The following DEPDC5 variants were observed in gnomAD, a reference collection of about 807,000 sequenced individuals.
DEPDC5 encodes the protein DEP domain containing 5, GATOR1 subcomplex subunit, also known as GATOR1 complex protein DEPDC5.
Under a neutral mutation model 217.3 loss-of-function variants are expected in DEPDC5, and 73 were observed. That is an observed-to-expected ratio of 0.34 (90% confidence interval 0.28 to 0.41). The LOEUF is 0.41. Ranked by LOEUF, DEPDC5 falls within the 10% of genes least tolerant of loss-of-function variation. The pLI, the probability that DEPDC5 is intolerant of heterozygous loss-of-function variation, is 1.00. For missense variants in DEPDC5, 1,675 were observed against 2,070.1 expected, an observed-to-expected ratio of 0.81 and a Z score of 3.70; for synonymous variants, 733 against 756.7, an observed-to-expected ratio of 0.97 and a Z score of 0.51.
intron 27 of DEPDC5, among the ~76,000 whole-genome samples, chr22:31,839,295 G>A (rs2091245018): frequency 6.6e-6 from 1 of 152,108 alleles, no homozygotes; most frequent in Admixed American, 6.5e-5. Flanking sequence ...AAGCTTGGTG[G>A]CTTGAAGCAA....
At chr22:31,880,004 A>T in intron 38 of DEPDC5, 1 of 483,720 alleles carries the variant, frequency 2.1e-6, no homozygotes, top group South Asian at 2.1e-5. Context: ...ACCTGTTCGG[A>T]TAGGAGAGAA....
chr22:31,754,340 TGA>T (rs1334791449), intron 1 of DEPDC5, among the ~76,000 whole-genome samples, 176 bp downstream of exon 1: 4 of 152,240 alleles, frequency 2.6e-5, no homozygotes, highest in African/African-American at 9.6e-5. Flanking sequence ...GAAGGTCTGC[TGA>T]GAGTTCGCAC....
intron 31 of DEPDC5, among the ~76,000 whole-genome samples, chr22:31,854,069 G>A (rs181348007): frequency 6.6e-6 from 1 of 152,218 alleles, no homozygotes; most frequent in African/African-American, 2.4e-5. Flanking sequence ...CCATGGAGGT[G>A]TGGCTAGTGA....
rs761904203 is a variant in DEPDC5 at position 31,802,672 on chromosome 22, T to A, written c.947-32T>A. ...GACAGGGTTCTGAAAAGCTGTAACA[T>A]CATTATTGTGGAATTTTTGTTTTAT... On this transcript the variant is annotated intron_variant, in intron 14 of 42. Transcript: ENST00000651528. The A allele has an allele frequency of 2.0e-6, 3 of 1,515,664 alleles. No individual in the cohort carries two copies. In the Admixed American group the frequency reaches 6.2e-5, roughly 31 times the overall value. 93.9% of individuals were successfully genotyped at this position (1,515,664 alleles called of 1,614,324 possible). A position where few individuals can be genotyped will look rare whatever the true frequency, so the allele number is the denominator to read the frequency against.
chr22:31,821,546 A>G lies in DEPDC5; in HGVS notation c.1915A>G (p.Asn639Asp), dbSNP rs933885269. 2 of 1,614,220 alleles carry G rather than the reference A, an allele frequency of 1.2e-6. No homozygotes were observed. ...CCAGATCCACCACCAGACCCGACAG[A>G]ATATGGCGGAGCTACAAGGCAGCGG... ...AIQIHHQTRQ[N>D]MAELQGSGQR... The change falls in exon 23 of 43, where the codon AAT (asparagine) becomes GAT (aspartate). Residue 639 changes from asparagine to aspartate, a missense_variant. Coordinates refer to ENST00000651528, the MANE Select transcript of DEPDC5 (RefSeq NM_001242896.3).
At chr22:31,850,228 A>G (rs922452453) in intron 31 of DEPDC5, among the ~76,000 whole-genome samples, 1 of 151,830 alleles carries the variant, frequency 6.6e-6, no homozygotes, top group Non-Finnish European at 1.5e-5. Flanking sequence ...TATAATATAC[A>G]TTATATATAT....
chr22:31,893,262 T>C (rs1001493809), intron 38 of DEPDC5, among the ~76,000 whole-genome samples: 1 of 152,134 alleles, frequency 6.6e-6, no homozygotes, highest in Non-Finnish European at 1.5e-5. Context: ...GCCCTAAAAC[T>C]CAGTCTGCTT....
At chr22:31,785,533 A>G (rs2084897660) in intron 10 of DEPDC5, among the ~76,000 whole-genome samples, 1 of 152,122 alleles carries the variant, frequency 6.6e-6, no homozygotes, top group African/African-American at 2.4e-5. Flanking sequence ...GAATTTGGCA[A>G]TACTACCCAA....
chr22:31,760,840 C>T, intron 4 of DEPDC5, 138 bp downstream of exon 4: 4 of 712,194 alleles, frequency 5.6e-6, no homozygotes, highest in East Asian at 2.7e-5. Context: ...ACTTTCAATT[C>T]AGGCAGTACA....
intron 27 of DEPDC5, among the ~76,000 whole-genome samples, chr22:31,841,488 A>G (rs2091388832): frequency 2.6e-5 from 4 of 151,918 alleles, no homozygotes; most frequent in Admixed American, 2.0e-4. Context: ...ATGAAAGTAC[A>G]CTCCACAGTG....
In DEPDC5 at chr22:31,804,866, G is replaced by A; in HGVS notation, c.1168G>A (p.Asp390Asn). The A allele has an allele frequency of 6.2e-7, 1 of 1,613,984 alleles. No homozygotes were observed. The highest frequency in any genetic ancestry group is 8.5e-7 in the Non-Finnish European group (1 of 1,179,884). ...GCTCCATAATCGGAGTGCTCCCCGT[G>A]ATTCTCGTCTGGGCGATGACTATAA... Reference protein sequence around the residue: ...FKLHNRSAPRDSRLGDDYNIP... With the variant: ...FKLHNRSAPRNSRLGDDYNIP... Residue 390 changes from aspartate to asparagine, a missense_variant, in exon 17 of 43, where the codon GAT becomes AAT. Transcript: ENST00000651528.
At chr22:31,839,231 T>C (rs940622836) in intron 27 of DEPDC5, among the ~76,000 whole-genome samples, 13 of 152,234 alleles carry the variant, frequency 8.5e-5, no homozygotes, top group African/African-American at 3.1e-4. Context: ...ACCTGAAGTT[T>C]ACATTTGTTC....
chr22:31,788,264 A>AT (rs75378797), intron 10 of DEPDC5, among the ~76,000 whole-genome samples: 2,856 of 90,700 alleles, frequency 0.031, 482 homozygotes, highest in African/African-American at 0.094. Context: ...GGATGACTGT[A>AT]TTTTTTTTTT....
At chr22:31,797,812 T>C (rs975555532) in intron 13 of DEPDC5, 109 bp downstream of exon 13, 3 of 855,228 alleles carry the variant, frequency 3.5e-6, no homozygotes, top group Non-Finnish European at 5.7e-6. Context: ...CGTGTGTAGT[T>C]TCTGCTTTTG....
At chr22:31,784,915 A>G (rs1383047821) in intron 10 of DEPDC5, 40 bp downstream of exon 10, 1 of 1,563,034 alleles carries the variant, frequency 6.4e-7, no homozygotes, top group African/African-American at 1.4e-5. Context: ...TTATGTAAAC[A>G]TTACTCAATC....
intron 2 of DEPDC5, chr22:31,757,242 A>G (rs2082007905): frequency 6.6e-6 from 1 of 152,130 alleles, no homozygotes; most frequent in Non-Finnish European, 1.5e-5. Flanking sequence ...CAGCTACTCA[A>G]GAGGCTGGGA....
intron 3 of DEPDC5, among the ~76,000 whole-genome samples, chr22:31,759,668 C>T (rs1046866764): frequency 1.4e-5 from 2 of 139,272 alleles, no homozygotes; most frequent in Admixed American, 7.5e-5. Context: ...TACCTTGCCG[C>T]GCCCAGCCTT....
chr22:31,763,057 C>T (rs1328173862), intron 4 of DEPDC5, among the ~76,000 whole-genome samples: 7 of 152,156 alleles, frequency 4.6e-5, no homozygotes. Flanking sequence ...ATGACATGGT[C>T]TCAGCTCACT....
chr22:31,755,262 A>G, intron 2 of DEPDC5: 1 of 445,246 alleles, frequency 2.2e-6, no homozygotes, highest in Non-Finnish European at 4.0e-6. Flanking sequence ...GTTCCATAAA[A>G]TTCCAGCCTG....
Sources: gnomAD v4.1 joint callset for allele counts (sites outside exome capture counted in the v4.1 genomes callset) on GRCh38, gnomAD v4.1.1 for gene constraint, MANE v1.5 for transcripts, NCBI Gene and HGNC (gene_info 2026-07-23, HGNC 2026-07-21) for gene names.